Variants in IGSF5 observed in about 807,000 individuals in gnomAD.
The protein encoded by IGSF5 is immunoglobulin superfamily member 5, also known as immunoglobulin superfamily 5 like.
A neutral mutation model predicts 39.4 loss-of-function variants in IGSF5; 41 were observed. The observed-to-expected ratio is 1.04, with a 90% CI of 0.81 to 1.35. The LOEUF is 1.35. Ranked by LOEUF, IGSF5 falls within the 40% of genes most tolerant of loss-of-function variation. IGSF5 has a pLI of 0.00. For synonymous variants in IGSF5, 183 were observed against 175.3 expected, an observed-to-expected ratio of 1.04 and a Z score of -0.34; for missense variants, 487 against 494.6, an observed-to-expected ratio of 0.98 and a Z score of 0.15.
intron 2 of IGSF5, among the ~76,000 whole-genome samples, chr21:39,749,850 A>C (rs2079995881): frequency 6.6e-6 from 1 of 152,234 alleles, no homozygotes; most frequent in African/African-American, 2.4e-5. Flanking sequence ...ATTTTTACTA[A>C]GCAATACGGC....
intron 2 of IGSF5, among the ~76,000 whole-genome samples, chr21:39,757,909 C>T (rs1341537653): frequency 6.6e-6 from 1 of 152,178 alleles, no homozygotes; most frequent in Non-Finnish European, 1.5e-5. Context: ...ATGAGGCTGC[C>T]CCTGTCCACA....
At chr21:39,773,786 G>C (rs538288853) in intron 4 of IGSF5, among the ~76,000 whole-genome samples, 1 of 152,294 alleles carries the variant, frequency 6.6e-6, no homozygotes, top group South Asian at 2.1e-4. Context: ...AACTTTGAAA[G>C]AGAAGATTTT....
chr21:39,722,839 T>A, the IGSF5 span, among the ~76,000 whole-genome samples: 1 of 152,230 alleles, frequency 6.6e-6, no homozygotes, highest in Non-Finnish European at 1.5e-5. Flanking sequence ...AGCAGGGACT[T>A]CTGATAATTG....
chr21:39,734,888 T>C, the IGSF5 span, among the ~76,000 whole-genome samples: 96 of 151,930 alleles, frequency 6.3e-4, no homozygotes, highest in African/African-American at 2.2e-3. Flanking sequence ...TTTTGAGATA[T>C]AGTCTTGCTC....
At chr21:39,739,628 T>C in the IGSF5 span, among the ~76,000 whole-genome samples, 11 of 152,034 alleles carry the variant, frequency 7.2e-5, 1 homozygote, top group Non-Finnish European at 1.3e-4. Flanking sequence ...CCAAGTGCTG[T>C]TGGGGAGGTT....
chr21:39,717,233 T>G, the IGSF5 span, among the ~76,000 whole-genome samples: 9 of 152,250 alleles, frequency 5.9e-5, no homozygotes, highest in Admixed American at 5.9e-4. Flanking sequence ...TTACAGATGC[T>G]GGATATTAGA....
Position 39,801,796 on chromosome 21 carries a change from A to G in IGSF5, c.*439A>G, listed in dbSNP as rs2087031291. On this transcript the variant is annotated 3_prime_UTR_variant, in exon 9 of 9. Transcript: ENST00000380588. ...TATTATCAGTGAAATACGAGTATAA[A>G]AATTAGGGTCAACCAGAAATCTGCA... 1 of 152,912 alleles carries G rather than the reference A, an allele frequency of 6.5e-6. No individual in the cohort carries two copies. The highest frequency in any genetic ancestry group is 2.4e-5 in the African/African-American group (1 of 41,460). 9.5% of individuals were successfully genotyped at this position (152,912 alleles called of 1,614,324 possible). A position where few individuals can be genotyped will look rare whatever the true frequency, so the allele number is the denominator to read the frequency against.
At chr21:39,787,591 T>G (rs1056751243) in intron 5 of IGSF5, among the ~76,000 whole-genome samples, 1 of 139,044 alleles carries the variant, frequency 7.2e-6, no homozygotes, top group Non-Finnish European at 1.5e-5. Context: ...GGGGCACAAC[T>G]GTATCAATTG....
the IGSF5 span, among the ~76,000 whole-genome samples, chr21:39,720,206 C>G: frequency 6.6e-6 from 1 of 152,296 alleles, no homozygotes; most frequent in Non-Finnish European, 1.5e-5. Flanking sequence ...CTAGATGCCT[C>G]TCACGCACAG....
upstream of IGSF5, among the ~76,000 whole-genome samples, chr21:39,741,009 C>A (rs992608858): frequency 4.6e-5 from 7 of 152,240 alleles, no homozygotes; most frequent in South Asian, 6.2e-4. Flanking sequence ...TTTGCCACTA[C>A]ATCAATTTCC....
In IGSF5 at chr21:39,779,288, G is replaced by C. The variant is rs774890521; in HGVS notation, c.917G>C (p.Cys306Ser). ...AACTGCTGCTGCCGTTGTTGTTTCTGCTGTAGAAGAAAAAGAGGTAATTTT... is the reference window on the plus strand; with the variant it reads ...AACTGCTGCTGCCGTTGTTGTTTCTCCTGTAGAAGAAAAAGAGGTAATTTT... ...GCNCCCRCCFCCRRKRGFRIQ... is the reference protein window; with the variant it reads ...GCNCCCRCCFSCRRKRGFRIQ... The change falls in exon 5 of 9, where the codon TGC (cysteine) becomes TCC (serine). Residue 306 changes from cysteine (C) to serine (S), a missense_variant. Physicochemically the swap from Cys to Ser is moderately radical, Grantham distance 112. Coordinates refer to ENST00000380588, the MANE Select transcript of IGSF5 (RefSeq NM_001080444.2). 3 of 1,612,440 alleles carry C rather than the reference G, an allele frequency of 1.9e-6. No homozygotes were observed. In the South Asian group the frequency reaches 3.3e-5, roughly 18 times the overall value.
intron 5 of IGSF5, among the ~76,000 whole-genome samples, chr21:39,780,529 C>A (rs2080164958): frequency 6.6e-6 from 1 of 152,048 alleles, no homozygotes; most frequent in Non-Finnish European, 1.5e-5. Flanking sequence ...ATGGTTGTTT[C>A]CTATTCTGAA....
At chr21:39,737,746 A>G in the IGSF5 span, among the ~76,000 whole-genome samples, 10 of 152,270 alleles carry the variant, frequency 6.6e-5, no homozygotes, top group Admixed American at 6.5e-4. Flanking sequence ...TGCAGCGTGG[A>G]CAGGTGTGTT....
chr21:39,734,439 TACACACACACACAC>T, the IGSF5 span, among the ~76,000 whole-genome samples: 4 of 120,288 alleles, frequency 3.3e-5, no homozygotes, highest in African/African-American at 1.4e-4. Context: ...AAAAAAAAAA[TACACACACACACAC>T]ACACACACAC....
At chr21:39,716,670 A>T in the IGSF5 span, among the ~76,000 whole-genome samples, 1 of 152,234 alleles carries the variant, frequency 6.6e-6, no homozygotes, top group Non-Finnish European at 1.5e-5. Context: ...CCAGCGAAAC[A>T]CATGATCTTG....
intron 2 of IGSF5, among the ~76,000 whole-genome samples, chr21:39,764,582 C>G (rs368576422): frequency 6.6e-6 from 1 of 152,150 alleles, no homozygotes; most frequent in African/African-American, 2.4e-5. Flanking sequence ...TCAGGTGATC[C>G]GCCCTCTTCG....
At chr21:39,737,182 GAAA>G in the IGSF5 span, among the ~76,000 whole-genome samples, 1 of 138,022 alleles carries the variant, frequency 7.2e-6, no homozygotes, top group South Asian at 2.3e-4. Flanking sequence ...TTGTTCGTGT[GAAA>G]AAAAAAAAAA....
At chr21:39,749,143 G>C (rs1337399063) in intron 2 of IGSF5, among the ~76,000 whole-genome samples, 1 of 152,030 alleles carries the variant, frequency 6.6e-6, no homozygotes. Flanking sequence ...TAACGTTGTA[G>C]GGGAGGAGAA....
chr21:39,734,824 A>G, the IGSF5 span, among the ~76,000 whole-genome samples: 1 of 152,174 alleles, frequency 6.6e-6, no homozygotes, highest in Non-Finnish European at 1.5e-5. Context: ...TTTCTCATAC[A>G]TTAAGTCAAT....
Sources: gnomAD v4.1 joint callset for allele counts (sites outside exome capture counted in the v4.1 genomes callset) on GRCh38, gnomAD v4.1.1 for gene constraint, MANE v1.5 for transcripts, NCBI Gene and HGNC (gene_info 2026-07-23, HGNC 2026-07-21) for gene names.